SEMA3E: variants seen among roughly 807,000 people sequenced by gnomAD.
SEMA3E encodes the protein semaphorin-3E.
SEMA3E carries 49 observed loss-of-function variants against 93.6 expected under a neutral mutation model. The ratio of observed to expected loss-of-function variants is 0.52; its 90% CI spans 0.42 to 0.66. The LOEUF (loss-of-function observed/expected upper bound fraction) is 0.66. Among genes scored for constraint, SEMA3E ranks in the 30% least tolerant of loss-of-function variants. The pLI, the probability that SEMA3E is intolerant of heterozygous loss-of-function variation, is 0.00. For missense variants in SEMA3E, 906 were observed against 964.8 expected, an observed-to-expected ratio of 0.94 and a Z score of 0.81; for synonymous variants, 363 against 330.7, an observed-to-expected ratio of 1.10 and a Z score of -1.06.
At chr7:83,588,549 G>A (rs1192408005) in intron 1 of SEMA3E, among the ~76,000 whole-genome samples, 1 of 152,236 alleles carries the variant, frequency 6.6e-6, no homozygotes, top group South Asian at 2.1e-4. Flanking sequence ...TGTATAATTA[G>A]AATATTAAAG....
rs148072082 is a variant in SEMA3E, at chr7:83,400,047, G to A, written c.1347C>T (p.Asp449=). ...CTTTACCTGTCCCAATAAACAAGAC[G>A]TCATATTGGCCATCCTCAGCTTCCA... ...DRVEAEDGQY[D]VLFIGTDNGI... Residue 449 remains aspartate, a synonymous_variant, in exon 11 of 17, where the codon GAC becomes GAT. Coordinates refer to ENST00000643230, the MANE Select transcript of SEMA3E (RefSeq NM_012431.3). 54 of 1,612,390 alleles carry A rather than the reference G, an allele frequency of 3.3e-5. No homozygotes were observed. Among genetic ancestry groups the A allele is most frequent in the Admixed American group, 3.2e-4 (19 of 60,008 alleles).
rs550744922 is a variant in SEMA3E, at chr7:83,428,512, C to T, written c.457-10029G>A. Among the ~76,000 whole-genome samples, 7 of 152,226 alleles carry T rather than the reference C, an allele frequency of 4.6e-5. No homozygotes were observed. In the East Asian group the frequency reaches 1.4e-3, roughly 29 times the overall value. ...AATAAACATAATATGCAGTTTAATT[C>T]TTTAAATAATAGCTACATGATAATG... is the stretch of plus-strand genomic sequence containing the variant. On this transcript the variant is annotated intron_variant, in intron 4 of 16. Coordinates refer to ENST00000643230, the MANE Select transcript of SEMA3E (RefSeq NM_012431.3).
intron 9 of SEMA3E, among the ~76,000 whole-genome samples, chr7:83,403,451 C>A (rs1788268895): frequency 6.6e-6 from 1 of 151,932 alleles, no homozygotes; most frequent in Non-Finnish European, 1.5e-5. Context: ...AAAATTTCTA[C>A]TTGACAGTAT....
At chr7:83,642,447 T>C (rs1196023243) in intron 1 of SEMA3E, among the ~76,000 whole-genome samples, 2 of 152,114 alleles carry the variant, frequency 1.3e-5, no homozygotes, top group Non-Finnish European at 2.9e-5. Flanking sequence ...AAATGTTCTC[T>C]TAATATCAGA....
At chr7:83,496,889 A>C (rs1479852822) in intron 1 of SEMA3E, among the ~76,000 whole-genome samples, 2 of 152,030 alleles carry the variant, frequency 1.3e-5, no homozygotes, top group Admixed American at 1.3e-4. Context: ...AGGTAATCTC[A>C]AGAAAACACA....
Position 83,400,122 on chromosome 7 carries a change from C to A in SEMA3E, c.1272G>T (p.Leu424Phe). The change falls in exon 11 of 17, where the codon TTG becomes TTT. Residue 424 changes from leucine to phenylalanine, a missense_variant. Transcript: ENST00000643230. ...AIKPAHKKPI[L>F]VKTDGKYNLK... is the part of the protein sequence containing the mutation. ...GGTTATATTTTCCATCTGTTTTTACCAATATTGGTTTTTTATGGGCAGGTT... is the reference window on the plus strand; with the variant it reads ...GGTTATATTTTCCATCTGTTTTTACAAATATTGGTTTTTTATGGGCAGGTT... 6.2e-7 allele frequency: 1 copy of A among 1,613,620 alleles called. No individual in the cohort carries two copies.
intron 3 of SEMA3E, among the ~76,000 whole-genome samples, chr7:83,467,723 G>C (rs1789800316): frequency 1.3e-5 from 2 of 152,172 alleles, no homozygotes; most frequent in African/African-American, 4.8e-5. Context: ...CTTCGGCCTA[G>C]AAGCTCTAGT....
rs562222924 is a variant in SEMA3E at position 83,572,602 on chromosome 7, G to A, written c.115+75826C>T. Reference sequence around the variant, plus strand: ...TGCAGTGAGCTGAGATCACGCCACTGCACTCCAGCCTGGAGATGGAGCGAG... The same window carrying A: ...TGCAGTGAGCTGAGATCACGCCACTACACTCCAGCCTGGAGATGGAGCGAG... On this transcript the variant is annotated intron_variant, in intron 1 of 16. Coordinates refer to ENST00000643230, the MANE Select transcript of SEMA3E (RefSeq NM_012431.3). Among the ~76,000 whole-genome samples, 7 of 152,066 alleles carry A rather than the reference G, an allele frequency of 4.6e-5. 1 individual carries two copies. The South Asian group carries it at 1.5e-3, about 32-fold the overall frequency.
chr7:83,402,496 T>C, intron 10 of SEMA3E, 136 bp downstream of exon 10: 1 of 738,818 alleles, frequency 1.4e-6, no homozygotes, highest in Non-Finnish European at 2.2e-6. Flanking sequence ...TTTTACTACA[T>C]ATACTTTTCA....
intron 1 of SEMA3E, among the ~76,000 whole-genome samples, chr7:83,505,338 C>G (rs2115619889): frequency 6.6e-6 from 1 of 151,972 alleles, no homozygotes; most frequent in East Asian, 1.9e-4. Flanking sequence ...AGATCAGAAG[C>G]AAATAAAATT....
chr7:83,421,811 G>A (rs1014485373), intron 4 of SEMA3E, among the ~76,000 whole-genome samples: 2 of 100,446 alleles, frequency 2.0e-5, no homozygotes, highest in Admixed American at 9.3e-5. Context: ...TGATCCTGCC[G>A]TTTTGAAAAC....
At chr7:83,632,040 G>A (rs1403470631) in intron 1 of SEMA3E, among the ~76,000 whole-genome samples, 1 of 151,716 alleles carries the variant, frequency 6.6e-6, no homozygotes, top group African/African-American at 2.4e-5. Flanking sequence ...CTGTAATCCT[G>A]GCTAGTCAGG....
intron 1 of SEMA3E, among the ~76,000 whole-genome samples, chr7:83,526,248 T>C (rs940913904): frequency 2.1e-4 from 32 of 152,128 alleles, no homozygotes; most frequent in Admixed American, 1.3e-4. Context: ...GGCTCTTTCT[T>C]CCCAGAGAGA....
At chr7:83,511,852 C>T (rs919258106) in intron 1 of SEMA3E, among the ~76,000 whole-genome samples, 5 of 152,086 alleles carry the variant, frequency 3.3e-5, no homozygotes, top group Non-Finnish European at 4.4e-5. Context: ...GCCGAGACCG[C>T]GCCATTACAC....
intron 2 of SEMA3E, among the ~76,000 whole-genome samples, chr7:83,474,145 T>TC (rs1340477110): frequency 1.3e-5 from 2 of 151,706 alleles, no homozygotes; most frequent in African/African-American, 4.8e-5. Flanking sequence ...TTTTTCTTTT[T>TC]CTTAAAGCCA....
rs567555681 is a variant in SEMA3E at position 83,517,081 on chromosome 7, C to T, written c.116-26807G>A. Among the ~76,000 whole-genome samples, 7 of 152,194 alleles carry T rather than the reference C, an allele frequency of 4.6e-5. No homozygotes were observed. In the South Asian group the frequency reaches 1.5e-3, roughly 32 times the overall value. ...CCAAAATGAAAGAAACACCATGCAT[C>T]TTTAGTATTCCTATACCAAGTCGAC... On this transcript the variant is annotated intron_variant, in intron 1 of 16. Transcript: ENST00000643230.
At chr7:83,519,555 C>T (rs532803532) in intron 1 of SEMA3E, among the ~76,000 whole-genome samples, 48 of 152,150 alleles carry the variant, frequency 3.2e-4, no homozygotes, top group Admixed American at 1.5e-3. Flanking sequence ...GTTTTCTTCT[C>T]GTCTCCCTAG....
At chr7:83,574,803 G>T (rs2115882786) in intron 1 of SEMA3E, among the ~76,000 whole-genome samples, 1 of 152,248 alleles carries the variant, frequency 6.6e-6, no homozygotes, top group Non-Finnish European at 1.5e-5. Context: ...CATATGTGAG[G>T]CCATTCTAGA....
chr7:83,594,246 C>T (rs946861545), intron 1 of SEMA3E, among the ~76,000 whole-genome samples: 5 of 152,048 alleles, frequency 3.3e-5, no homozygotes, highest in African/African-American at 9.7e-5. Flanking sequence ...GAAGTGCTTA[C>T]GTGAGAACAA....
Sources: gnomAD v4.1 joint callset for allele counts (sites outside exome capture counted in the v4.1 genomes callset) on GRCh38, gnomAD v4.1.1 for gene constraint, MANE v1.5 for transcripts, NCBI Gene and HGNC (gene_info 2026-07-23, HGNC 2026-07-21) for gene names.